ITGB7: variants seen among roughly 807,000 people sequenced by gnomAD.
The protein encoded by ITGB7 is integrin subunit beta 7.
ITGB7 carries 55 observed loss-of-function variants against 83.4 expected under a neutral mutation model. The observed-to-expected ratio is 0.66, with a 90% CI of 0.53 to 0.83. ITGB7 has a LOEUF of 0.83. Among genes scored for constraint, ITGB7 ranks in the 40% least tolerant of loss-of-function variants. The pLI is 0.00. For missense variants in ITGB7, 921 were observed against 1,046.7 expected (o/e 0.88, Z 1.66); for synonymous variants, 454 against 423.6 (o/e 1.07, Z -0.88).
intron 1 of ITGB7, among the ~76,000 whole-genome samples, chr12:53,205,360 G>T (rs1484268717): frequency 6.6e-6 from 1 of 150,812 alleles, no homozygotes; most frequent in Non-Finnish European, 1.5e-5. Flanking sequence ...AATTATTTTT[G>T]TATTATTTTG....
rs779295232 is a variant in ITGB7 at position 53,196,843 on chromosome 12, G to T, written c.575-23C>A. On this transcript the variant is annotated intron_variant, in intron 5 of 15. Transcript: ENST00000267082. ...AACCTGGGAGAGGAGAGGAATGAAG[G>T]TTGTGCCAGAAGTCGCAGGGCAGCA... 4.4e-6 allele frequency: 7 copies of T among 1,579,182 alleles called. No individual in the cohort carries two copies. The East Asian group carries it at 1.6e-4, about 36-fold the overall frequency.
intron 6 of ITGB7, 62 bp downstream of exon 6, chr12:53,196,517 A>C: frequency 6.4e-7 from 1 of 1,558,764 alleles, no homozygotes; most frequent in Non-Finnish European, 8.7e-7. Context: ...CTACACAACC[A>C]TAAGGGGCAG....
intron 3 of ITGB7, 87 bp from the exon 4 acceptor site, chr12:53,198,038 C>A: frequency 1.9e-6 from 2 of 1,033,114 alleles, no homozygotes; most frequent in Non-Finnish European, 2.8e-6. Flanking sequence ...ACCCGGCCAC[C>A]TCTAATGCCC....
At chr12:53,193,489 G>T (rs367756870) in intron 11 of ITGB7, 126 bp from the exon 12 acceptor site, 2 of 788,002 alleles carry the variant, frequency 2.5e-6, no homozygotes, top group Non-Finnish European at 2.0e-6. Context: ...CTGAAAGGAT[G>T]TTAAGTATAG....
intron 12 of ITGB7, 90 bp from the exon 13 acceptor site, chr12:53,193,000 T>C (rs1942019826): frequency 7.0e-7 from 1 of 1,421,528 alleles, no homozygotes; most frequent in South Asian, 1.2e-5. Context: ...ATCCAATCTT[T>C]TTGAAGTATG....
At chr12:53,198,103 G>A (rs1942228817) in intron 3 of ITGB7, 152 bp from the exon 4 acceptor site, 1 of 593,134 alleles carries the variant, frequency 1.7e-6, no homozygotes, top group Non-Finnish European at 2.9e-6. Flanking sequence ...CCTCGCCACA[G>A]CTACCCTTGA....
chr12:53,196,944 C>CA, intron 5 of ITGB7, 124 bp from the exon 6 acceptor site: 1 of 1,145,734 alleles, frequency 8.7e-7, no homozygotes, highest in East Asian at 2.5e-5. Flanking sequence ...ACCTAGGGGG[C>CA]AGGGACCTGG....
chr12:53,194,571 C>T, intron 9 of ITGB7: 1 of 470,294 alleles, frequency 2.1e-6, no homozygotes, highest in Non-Finnish European at 3.9e-6. Context: ...AGTGCAGCTG[C>T]CAGCAAGGGC....
chr12:53,198,077 G>C (rs1248638230), intron 3 of ITGB7, 126 bp from the exon 4 acceptor site: 1 of 646,102 alleles, frequency 1.5e-6, no homozygotes, highest in African/African-American at 1.9e-5. Flanking sequence ...TTGAGTCCCT[G>C]ATTCCCTCCC....
chr12:53,192,797 T>C lies in ITGB7; in HGVS notation c.1840A>G (p.Ser614Gly), dbSNP rs1555177144. The change falls in exon 13 of 16, where the codon AGT (serine) becomes GGT (glycine). Residue 614 changes from serine to glycine, a missense_variant. Coordinates refer to ENST00000267082, the MANE Select transcript of ITGB7 (RefSeq NM_000889.3). ...SCISPEGGLCSGHGRCKCNRC... is the reference protein window; with the variant it reads ...SCISPEGGLCGGHGRCKCNRC... ...TTGCATTTGCAGCGTCCATGCCCAC[T>C]GCAGAGCCCTCCCTCGGGACTGATG... 1.4e-5 allele frequency: 22 copies of C among 1,614,216 alleles called. No individual in the cohort carries two copies. Among genetic ancestry groups the C allele is most frequent in the Non-Finnish European group, 1.9e-5 (22 of 1,180,042 alleles).
chr12:53,197,963 G>T lies in ITGB7; in HGVS notation c.202-12C>A. The T allele has an allele frequency of 6.5e-7, 1 of 1,530,382 alleles. No individual in the cohort carries two copies. The highest frequency in any genetic ancestry group is 1.2e-5 in the South Asian group (1 of 83,888). The allele number at this position is 1,530,382 out of a possible 1,614,324, so 94.8% of individuals were successfully genotyped here. A position where few individuals can be genotyped will look rare whatever the true frequency, so the allele number is the denominator to read the frequency against. On this transcript the variant is annotated splice_polypyrimidine_tract_variant and intron_variant, in intron 3 of 15. Coordinates refer to ENST00000267082, the MANE Select transcript of ITGB7 (RefSeq NM_000889.3). The stretch of plus-strand genomic sequence containing the variant: ...GACGCGGTGAAGTTCTGCTCAGCAA[G>T]AAAAGGCGCGTCGGGACCCGGTCCT...
chr12:53,197,420 G>T, intron 5 of ITGB7, 73 bp downstream of exon 5: 1 of 1,562,350 alleles, frequency 6.4e-7, no homozygotes, highest in South Asian at 1.1e-5. Context: ...TGTGAGTCCA[G>T]GATGTTGGCA....
chr12:53,202,564 G>A (rs1205690277), intron 1 of ITGB7, among the ~76,000 whole-genome samples: 4 of 151,550 alleles, frequency 2.6e-5, no homozygotes, highest in Non-Finnish European at 4.4e-5. Context: ...CACATTGGCC[G>A]GGCTGGTCTC....
intron 1 of ITGB7, among the ~76,000 whole-genome samples, chr12:53,206,449 A>G (rs1344356405): frequency 1.3e-5 from 2 of 152,058 alleles, no homozygotes; most frequent in Admixed American, 1.3e-4. Context: ...CCTCCCTCCA[A>G]CCCAGGCACT....
chr12:53,197,032 C>T (rs1942186388), intron 5 of ITGB7: 1 of 598,658 alleles, frequency 1.7e-6, no homozygotes, highest in South Asian at 2.1e-5. Context: ...GACACAACTT[C>T]CTGGGCAAAT....
At position 53,200,410 on chromosome 12, in the gene ITGB7, G is replaced by A. The variant is rs1942297890; in HGVS notation, c.34C>T (p.Leu12=). The change falls in exon 3 of 16, where the codon CTG becomes TTG. Residue 12 remains leucine (L), a synonymous_variant. Transcript: ENST00000267082. ...TCACTCTCACCTCTGCTCAGGACCAGCAGCAAAACAAGGACCATTGGCAAA... is the reference window on the plus strand; with the variant it reads ...TCACTCTCACCTCTGCTCAGGACCAACAGCAAAACAAGGACCATTGGCAAA... ...VALPMVLVLL[L]VLSRGESELD... 6.2e-7 allele frequency: 1 copy of A among 1,614,048 alleles called. No homozygotes were observed. Among genetic ancestry groups the A allele is most frequent in the Admixed American group, 1.7e-5 (1 of 60,000 alleles).
chr12:53,194,539 G>A, intron 9 of ITGB7, 195 bp from the exon 10 acceptor site: 1 of 562,192 alleles, frequency 1.8e-6, no homozygotes, highest in Admixed American at 3.1e-5. Context: ...ACAGGATCCA[G>A]AGGCCTCTAA....
chr12:53,193,555 A>G (rs978585612), intron 11 of ITGB7, 153 bp downstream of exon 11: 22 of 773,470 alleles, frequency 2.8e-5, no homozygotes, highest in Middle Eastern at 7.7e-4. Context: ...GAGGGCCTGG[A>G]CATACATGGG....
In ITGB7 at chr12:53,193,912, G is replaced by A; in HGVS notation, c.1309-11C>T. The A allele has an allele frequency of 1.2e-6, 2 of 1,608,000 alleles. No homozygotes were observed. Among genetic ancestry groups the A allele is most frequent in the Non-Finnish European group, 1.7e-6 (2 of 1,176,660 alleles). On this transcript the variant is annotated splice_polypyrimidine_tract_variant and intron_variant, in intron 10 of 15. Coordinates refer to ENST00000267082, the MANE Select transcript of ITGB7 (RefSeq NM_000889.3). ...AACCCAGAAAGTCACCTGAGAAGAG[G>A]CAGGAATCAGGCCATGGTTATACAC... is the stretch of plus-strand genomic sequence containing the variant.
Sources: allele counts gnomAD v4.1 joint callset (sites outside exome capture counted in the v4.1 genomes callset), GRCh38; gene constraint gnomAD v4.1.1; transcripts MANE v1.5; gene names NCBI Gene and HGNC (gene_info 2026-07-23, HGNC 2026-07-21).